The following ARHGAP27 variants were observed in gnomAD, a reference collection of about 807,000 sequenced individuals.
ARHGAP27 encodes the protein Rho GTPase activating protein 27, also known as rho GTPase-activating protein 27.
A neutral mutation model predicts 102.0 loss-of-function variants in ARHGAP27; 53 were observed. The observed-to-expected ratio is 0.52, with a 90% CI of 0.42 to 0.65. ARHGAP27 has a LOEUF of 0.65. Ranked by LOEUF, ARHGAP27 falls within the 30% of genes least tolerant of loss-of-function variation. ARHGAP27 has a pLI of 0.00. For synonymous variants in ARHGAP27, 525 were observed against 542.8 expected (o/e 0.97, Z 0.46); for missense variants, 1,117 against 1,256.2 (o/e 0.89, Z 1.68).
At chr17:45,409,924 G>A (rs894229512) in intron 4 of ARHGAP27, 3 of 394,686 alleles carry the variant, frequency 7.6e-6, no homozygotes, top group Non-Finnish European at 1.4e-5. Flanking sequence ...CCGACCTCAG[G>A]CCAGAGGAGG....
At position 45,396,127 on chromosome 17, in the gene ARHGAP27, AG is replaced by A. The variant is rs1020950134; in HGVS notation, c.2252-11del. The A allele has an allele frequency of 5.6e-6, 9 of 1,606,904 alleles. No homozygotes were observed. The highest frequency in any genetic ancestry group is 5.4e-5 in the African/African-American group (4 of 74,732). On this transcript the variant is annotated splice_polypyrimidine_tract_variant and intron_variant, in intron 17 of 19. Transcript: ENST00000685559. ...AGGTCAAGGCGCTCATCTGTGGCGG[AG>A]GAAGGGAGGAGGACGGAAGGGAAAT...
chr17:45,403,177 C>T (rs1273293483), intron 11 of ARHGAP27, among the ~76,000 whole-genome samples: 2 of 152,222 alleles, frequency 1.3e-5, no homozygotes, highest in African/African-American at 4.8e-5. Context: ...GTGAATCTGC[C>T]AGTATCACCC....
In ARHGAP27 at chr17:45,405,016, G is replaced by T; in HGVS notation, c.1156C>A (p.Pro386Thr). The T allele has an allele frequency of 2.5e-6, 4 of 1,614,002 alleles. No homozygotes were observed. The highest frequency in any genetic ancestry group is 3.4e-6 in the Non-Finnish European group (4 of 1,179,950). ...SPVGSFGEPG[P>T]TSPLTTPPGW... Reference sequence around the variant, plus strand: ...GGGGGTGTGGTCAAGGGAGAGGTAGGGCCGGGCTCACCGAAAGAGCCCACG... The same window carrying T: ...GGGGGTGTGGTCAAGGGAGAGGTAGTGCCGGGCTCACCGAAAGAGCCCACG... The change falls in exon 6 of 20, where the codon CCT (proline) becomes ACT (threonine). Residue 386 changes from proline to threonine, a missense_variant. By Grantham distance (38) the Pro-to-Thr change is conservative. This residue lies in a region of ARHGAP27 where 610 missense variants were observed against 716.4 expected (regional missense o/e 0.85). Coordinates refer to ENST00000685559, the MANE Select transcript of ARHGAP27 (RefSeq NM_001282290.2).
At chr17:45,395,703 G>A (rs932263106) in intron 19 of ARHGAP27, 41 bp downstream of exon 19, 2 of 1,568,572 alleles carry the variant, frequency 1.3e-6, no homozygotes, top group Non-Finnish European at 8.6e-7. Context: ...GGCTTCAGCC[G>A]GGACCTGCCT....
rs1208623252 is a variant in ARHGAP27 at position 45,395,511 on chromosome 17, T to G, written c.2615A>C (p.Asn872Thr). The change falls in exon 20 of 20, where the codon AAC (asparagine) becomes ACC (threonine). Residue 872 changes from asparagine (N) to threonine (T), a missense_variant. Physicochemically the swap from Asn to Thr is moderately conservative, Grantham distance 65. Around this residue, in one of 3 missense-constraint regions of ARHGAP27, gnomAD observed 493 missense variants for 505.5 expected, o/e 0.98. Coordinates refer to ENST00000685559, the MANE Select transcript of ARHGAP27 (RefSeq NM_001282290.2). ...TSMPMTMVFQ[N>T]QVVELILQQC... is the part of the protein sequence containing the mutation. The stretch of plus-strand genomic sequence containing the variant: ...CTGCAGGATGAGCTCCACCACCTGG[T>G]TCTGGAACACCATGGTCATGGGCAT... The G allele has an allele frequency of 6.3e-7, 1 of 1,596,076 alleles. No individual in the cohort carries two copies. The highest frequency in any genetic ancestry group is 1.3e-5 in the African/African-American group (1 of 74,648).
chr17:45,404,814 T>G, intron 6 of ARHGAP27, 110 bp downstream of exon 6: 5 of 1,546,646 alleles, frequency 3.2e-6, no homozygotes, highest in Non-Finnish European at 4.4e-6. Flanking sequence ...TTTGGCTGGT[T>G]TAGGCTCTGT....
rs1210209249 is a variant in ARHGAP27 at position 45,402,792 on chromosome 17, A to T, written c.1665T>A (p.Pro555=). ...CCCCCCTCAGCTCCACTGTGTACTC[A>T]GGGGTGGAAAACTTGGAAGGCTGCC... The part of the protein sequence containing the change: ...GLRQPSKFST[P]EYTVELRGAT... The change falls in exon 12 of 20, where the codon CCT becomes CCA. Residue 555 remains proline, a synonymous_variant. Transcript: ENST00000685559. The T allele has an allele frequency of 1.2e-6, 2 of 1,613,426 alleles. No individual in the cohort carries two copies. The highest frequency in any genetic ancestry group is 1.7e-6 in the Non-Finnish European group (2 of 1,179,684).
chr17:45,412,626 G>A (rs931302205), intron 4 of ARHGAP27, among the ~76,000 whole-genome samples: 2 of 152,224 alleles, frequency 1.3e-5, no homozygotes, highest in Non-Finnish European at 2.9e-5. Context: ...GAGCCAGAAG[G>A]AATGGTGATC....
At chr17:45,403,376 A>G (rs1419889732) in intron 11 of ARHGAP27, among the ~76,000 whole-genome samples, 1 of 152,194 alleles carries the variant, frequency 6.6e-6, no homozygotes, top group African/African-American at 2.4e-5. Flanking sequence ...TCTGGCCAAC[A>G]TAGTAAAACC....
Position 45,430,396 on chromosome 17 carries a change from A to G in ARHGAP27, c.-18-99T>C. On this transcript the variant is annotated intron_variant, in intron 3 of 19. Coordinates refer to ENST00000685559, the MANE Select transcript of ARHGAP27 (RefSeq NM_001282290.2). The surrounding 1 kb of genome is among the most constrained non-coding windows in gnomAD (Gnocchi z 4.4). ...ACTTGGGTTCGAGTCCCGATCCTGC[A>G]CTCGCCGTTCGCCTTCGGGCCTCAG... 2 of 1,455,240 alleles carry G rather than the reference A, an allele frequency of 1.4e-6. No individual in the cohort carries two copies. The highest frequency in any genetic ancestry group is 1.8e-6 in the Non-Finnish European group (2 of 1,112,502). 90.1% of individuals were successfully genotyped at this position (1,455,240 alleles called of 1,614,324 possible).
Position 45,397,833 on chromosome 17 carries a change from G to A in ARHGAP27, c.1842+116C>T, listed in dbSNP as rs998543110. On this transcript the variant is annotated intron_variant, in intron 13 of 19. Transcript: ENST00000685559. ...ACCCTGCCATCCTAGCCATTAGTGG[G>A]GACTGCATTTGCATTACCCACTGGT... 1.3e-5 allele frequency: 11 copies of A among 836,016 alleles called. No individual in the cohort carries two copies. In the African/African-American group the frequency reaches 1.9e-4, roughly 14 times the overall value. 51.8% of individuals were successfully genotyped at this position (836,016 alleles called of 1,614,324 possible). A position where few individuals can be genotyped will look rare whatever the true frequency, so the allele number is the denominator to read the frequency against.
At chr17:45,424,680 G>T (rs1235387342) in intron 4 of ARHGAP27, among the ~76,000 whole-genome samples, 2 of 113,196 alleles carry the variant, frequency 1.8e-5, no homozygotes, top group African/African-American at 5.9e-5. Context: ...AGGGTGGGAG[G>T]GGGGTGAGGG....
At position 45,395,476 on chromosome 17, in the gene ARHGAP27, C is replaced by G. The variant is rs547059220; in HGVS notation, c.2650G>C (p.Asp884His). Reference protein sequence around the residue: ...VVELILQQCADIFPPH With the variant: ...VVELILQQCAHIFPPH ...AGCAGTCAGTGCGGCGGGAAGATGT[C>G]CGCGCACTGCTGCAGGATGAGCTCC... Residue 884 changes from aspartate (D) to histidine (H), a missense_variant, in exon 20 of 20, where the codon GAC (aspartate) becomes CAC (histidine). By Grantham distance (81) the Asp-to-His change is moderately conservative (BLOSUM62 -1). This residue lies in a region of ARHGAP27 where 493 missense variants were observed against 505.5 expected (regional missense o/e 0.98). Coordinates refer to ENST00000685559, the MANE Select transcript of ARHGAP27 (RefSeq NM_001282290.2). The G allele has an allele frequency of 7.5e-5, 118 of 1,567,082 alleles. No homozygotes were observed. In the South Asian group the frequency reaches 1.3e-3, roughly 17 times the overall value.
chr17:45,424,227 C>T (rs1467463219), intron 4 of ARHGAP27, among the ~76,000 whole-genome samples: 2 of 152,256 alleles, frequency 1.3e-5, no homozygotes, highest in Non-Finnish European at 2.9e-5. Flanking sequence ...GGCAACAGTT[C>T]TGGAAGTTCC....
chr17:45,399,144 G>A (rs895357811), intron 12 of ARHGAP27, among the ~76,000 whole-genome samples: 2 of 152,174 alleles, frequency 1.3e-5, no homozygotes, highest in African/African-American at 4.8e-5. Flanking sequence ...AATGTTTGGC[G>A]GCAACAGCTC....
Position 45,398,027 on chromosome 17 carries a change from A to G in ARHGAP27, c.1764T>C (p.Ser588=), listed in dbSNP as rs2144222454. Residue 588 remains serine, a synonymous_variant, in exon 13 of 20, where the codon TCT becomes TCC. Transcript: ENST00000685559. ...NVLELRSRDG[S]EYLIQHDSEA... is the part of the protein sequence containing the mutation. The stretch of plus-strand genomic sequence containing the variant: ...CCGAGTCGTGCTGGATCAGGTACTC[A>G]GAGCCATCTCGGCTCCGTAGCTGGA... 1 of 1,605,916 alleles carries G rather than the reference A, an allele frequency of 6.2e-7. No individual in the cohort carries two copies. Among genetic ancestry groups the G allele is most frequent in the South Asian group, 1.1e-5 (1 of 90,610 alleles).
chr17:45,417,197 C>T (rs1464494402), intron 4 of ARHGAP27, among the ~76,000 whole-genome samples: 2 of 151,674 alleles, frequency 1.3e-5, no homozygotes, highest in Non-Finnish European at 2.9e-5. Context: ...GGCGTGGTGG[C>T]TTATGCCTGT....
intron 15 of ARHGAP27, 39 bp from the exon 16 acceptor site, chr17:45,396,624 C>G: frequency 6.2e-7 from 1 of 1,611,740 alleles, no homozygotes; most frequent in Non-Finnish European, 8.5e-7. Flanking sequence ...CAGCCTGCGC[C>G]CCGTCCCGGT....
chr17:45,426,431 T>TA (rs1394697810), intron 4 of ARHGAP27, among the ~76,000 whole-genome samples: 1 of 152,050 alleles, frequency 6.6e-6, no homozygotes, highest in African/African-American at 2.4e-5. Context: ...TATGCGCGAT[T>TA]AGAGTGCATG....
Sources: gnomAD v4.1 joint callset for allele counts (sites outside exome capture counted in the v4.1 genomes callset) on GRCh38, gnomAD v4.1.1 for gene constraint, gnomAD v4.1.1 regional missense constraint, Gnocchi (gnomAD v3.1) non-coding constraint, MANE v1.5 for transcripts, NCBI Gene and HGNC (gene_info 2026-07-23, HGNC 2026-07-21) for gene names.